The following SAMD5 variants were observed in gnomAD, a reference collection of about 807,000 sequenced individuals.
The protein encoded by SAMD5 is sterile alpha motif domain-containing protein 5.
In SAMD5, 13 loss-of-function variants were observed where a neutral mutation model predicts 11.3. That is an observed-to-expected ratio of 1.15 (90% CI 0.75 to 1.83). The LOEUF (loss-of-function observed/expected upper bound fraction) is 1.83, where lower values mean the gene tolerates loss of function less well. Ranked by LOEUF, SAMD5 falls within the 40% of genes most tolerant of loss-of-function variation. The pLI is 0.00. For synonymous variants in SAMD5, 129 were observed against 111.3 expected (o/e 1.16, Z -1.00); for missense variants, 255 against 239.1 (o/e 1.07, Z -0.44).
At chr6:147,528,117 C>T (rs1788372858) in intron 1 of SAMD5, among the ~76,000 whole-genome samples, 1 of 152,162 alleles carries the variant, frequency 6.6e-6, no homozygotes, top group South Asian at 2.1e-4. Context: ...CCGGGCTCCA[C>T]CTCCAACACT....
chr6:147,630,402 C>A (rs1349973726), intron 1 of SAMD5, among the ~76,000 whole-genome samples: 1 of 152,132 alleles, frequency 6.6e-6, no homozygotes, highest in Non-Finnish European at 1.5e-5. Flanking sequence ...CAAGCCTGCA[C>A]GTATTTGTCC....
intron 1 of SAMD5, among the ~76,000 whole-genome samples, chr6:147,725,053 C>T (rs1583154794): frequency 2.0e-5 from 3 of 152,078 alleles, no homozygotes. Flanking sequence ...TTTTCCATCC[C>T]GAGGTTTTAT....
chr6:147,788,604 A>T, the SAMD5 span, among the ~76,000 whole-genome samples: 1 of 152,222 alleles, frequency 6.6e-6, no homozygotes, highest in East Asian at 1.9e-4. Context: ...TTTCCGAGTC[A>T]ATGTAGCCAC....
the SAMD5 span, among the ~76,000 whole-genome samples, chr6:147,753,465 C>T: frequency 5.3e-5 from 8 of 152,140 alleles, no homozygotes; most frequent in East Asian, 9.6e-4. Flanking sequence ...GGGGTACATG[C>T]GATGTTTTGA....
chr6:147,612,474 G>T (rs2128449261), intron 1 of SAMD5, among the ~76,000 whole-genome samples: 1 of 152,150 alleles, frequency 6.6e-6, no homozygotes, highest in Middle Eastern at 3.4e-3. Flanking sequence ...TGCTTCTGAA[G>T]GATCAAGTCT....
chr6:147,803,982 A>G, the SAMD5 span, among the ~76,000 whole-genome samples: 595 of 151,834 alleles, frequency 3.9e-3, 6 homozygotes, highest in South Asian at 0.014. Flanking sequence ...TCAAGTTCCC[A>G]CTTAGGTGCC....
intron 1 of SAMD5, among the ~76,000 whole-genome samples, chr6:147,515,176 G>GTTTTTTTTT (rs71031029): frequency 5.5e-4 from 41 of 75,038 alleles, no homozygotes; most frequent in Non-Finnish European, 6.8e-4. Flanking sequence ...ATCCTTCCAG[G>GTTTTTTTTT]TTTTTTTTTT....
chr6:147,751,876 C>T, the SAMD5 span, among the ~76,000 whole-genome samples: 85 of 151,730 alleles, frequency 5.6e-4, no homozygotes, highest in Non-Finnish European at 5.7e-4. Context: ...GAAATACAAA[C>T]GTATATAATA....
rs146642091 is a variant in SAMD5 at position 147,541,193 on chromosome 6, G to A, written c.460-23201G>A. Among the ~76,000 whole-genome samples the A allele has an allele frequency of 1.6e-4, 25 of 151,930 alleles. 1 individual carries two copies. The highest frequency in any genetic ancestry group is 5.5e-4 in the African/African-American group (23 of 41,466). ...TCGAACTACTGACCTCAAGTGATCCGCCAGCCTCAGTCCCCCAAAGAGCTG... is the reference window on the plus strand; with the variant it reads ...TCGAACTACTGACCTCAAGTGATCCACCAGCCTCAGTCCCCCAAAGAGCTG... On this transcript the variant is annotated intron_variant, in intron 1 of 1. Transcript: ENST00000367474.
Position 147,509,322 on chromosome 6 carries a change from A to G in SAMD5, c.394A>G (p.Ile132Val). 6.3e-7 allele frequency: 1 copy of G among 1,582,422 alleles called. No individual in the cohort carries two copies. The highest frequency in any genetic ancestry group is 2.4e-5 in the East Asian group (1 of 41,374). Residue 132 changes from isoleucine (I) to valine (V), a missense_variant, in exon 1 of 2, where the codon ATC (isoleucine) becomes GTC (valine). Coordinates refer to ENST00000367474, the MANE Select transcript of SAMD5 (RefSeq NM_001030060.3). ...LVSYPKLKLK[I>V]MIRDKLVRDG... ...GAGCTACCCCAAACTGAAGCTGAAG[A>G]TCATGATCAGGGATAAGCTCGTCCG...
chr6:147,789,142 C>T, the SAMD5 span, among the ~76,000 whole-genome samples: 16 of 148,790 alleles, frequency 1.1e-4, no homozygotes, highest in South Asian at 4.3e-4. Flanking sequence ...GGGTCATGCC[C>T]GTAATCCCAG....
the SAMD5 span, among the ~76,000 whole-genome samples, chr6:147,859,415 T>C: frequency 6.6e-6 from 1 of 152,312 alleles, no homozygotes; most frequent in Admixed American, 6.5e-5. Flanking sequence ...GAGAAAAATG[T>C]GTCTAGCATA....
chr6:147,789,487 T>A, the SAMD5 span, among the ~76,000 whole-genome samples: 1 of 152,194 alleles, frequency 6.6e-6, no homozygotes, highest in African/African-American at 2.4e-5. Context: ...GCATTTTATT[T>A]GAAAATATTT....
At chr6:147,901,140 C>T in the SAMD5 span, among the ~76,000 whole-genome samples, 6 of 151,978 alleles carry the variant, frequency 3.9e-5, no homozygotes, top group Non-Finnish European at 7.4e-5. Context: ...CTAAAATGGG[C>T]TAATGATAGT....
chr6:147,593,419 C>A (rs1789484434), intron 1 of SAMD5, among the ~76,000 whole-genome samples: 1 of 152,036 alleles, frequency 6.6e-6, no homozygotes, highest in Non-Finnish European at 1.5e-5. Flanking sequence ...ATTAAGGAAC[C>A]AAGAAAGGCC....
the SAMD5 span, among the ~76,000 whole-genome samples, chr6:147,904,052 TTG>T: frequency 2.0e-5 from 3 of 152,196 alleles, no homozygotes; most frequent in African/African-American, 7.2e-5. Context: ...ATTCTCCACA[TTG>T]TGTTTAATCA....
At chr6:147,766,781 A>C in the SAMD5 span, among the ~76,000 whole-genome samples, 30 of 152,298 alleles carry the variant, frequency 2.0e-4, no homozygotes, top group Non-Finnish European at 4.1e-4. Flanking sequence ...GTGTAGAGCA[A>C]TAAGTATCTA....
At chr6:147,879,557 A>G in the SAMD5 span, among the ~76,000 whole-genome samples, 3 of 152,232 alleles carry the variant, frequency 2.0e-5, no homozygotes, top group Non-Finnish European at 4.4e-5. Flanking sequence ...GAGAATTTCA[A>G]TTGGCAAAGA....
chr6:147,728,579 C>T (rs113078685), intron 1 of SAMD5, among the ~76,000 whole-genome samples: 23 of 152,130 alleles, frequency 1.5e-4, no homozygotes, highest in African/African-American at 5.1e-4. Flanking sequence ...CATAGAACCG[C>T]GGGCTGAGTG....
Sources: allele counts gnomAD v4.1 joint callset (sites outside exome capture counted in the v4.1 genomes callset), GRCh38; gene constraint gnomAD v4.1.1; transcripts MANE v1.5; gene names NCBI Gene and HGNC (gene_info 2026-07-23, HGNC 2026-07-21).